The following SHISA9 variants were observed in gnomAD, a reference collection of about 807,000 sequenced individuals.
SHISA9 encodes the protein shisa family member 9.
In SHISA9, 13 loss-of-function variants were observed where a neutral mutation model predicts 38.0. The ratio of observed to expected loss-of-function variants is 0.34; its 90% CI spans 0.22 to 0.54. The LOEUF (loss-of-function observed/expected upper bound fraction) is 0.54, where lower values mean the gene tolerates loss of function less well. Ranked by LOEUF, SHISA9 falls within the 20% of genes least tolerant of loss-of-function variation. SHISA9 has a pLI of 0.91. For missense variants in SHISA9, 538 were observed against 575.8 expected, an observed-to-expected ratio of 0.93 and a Z score of 0.67; for synonymous variants, 275 against 242.0, an observed-to-expected ratio of 1.14 and a Z score of -1.27.
chr16:13,525,517 G>A, the SHISA9 span, among the ~76,000 whole-genome samples: 4 of 151,974 alleles, frequency 2.6e-5, no homozygotes, highest in Non-Finnish European at 5.9e-5. Flanking sequence ...CTGGATTGTT[G>A]GTGGCTCAAA....
chr16:13,452,173 A>T, the SHISA9 span, among the ~76,000 whole-genome samples: 1 of 152,220 alleles, frequency 6.6e-6, no homozygotes, highest in African/African-American at 2.4e-5. Context: ...TCCCGAAGAC[A>T]AGTAAAGCCC....
intron 2 of SHISA9, among the ~76,000 whole-genome samples, chr16:12,962,440 G>T (rs1019348588): frequency 1.3e-5 from 2 of 152,184 alleles, no homozygotes; most frequent in Admixed American, 1.3e-4. Context: ...TTCATATGTG[G>T]AACTCTAACC....
At chr16:13,165,107 G>A (rs1015825230) in intron 2 of SHISA9, among the ~76,000 whole-genome samples, 1 of 152,024 alleles carries the variant, frequency 6.6e-6, no homozygotes, top group African/African-American at 2.4e-5. Flanking sequence ...AGCCTTCTTG[G>A]CTTTGTATTT....
chr16:13,029,060 A>T (rs1034178319), intron 2 of SHISA9, among the ~76,000 whole-genome samples: 5 of 152,034 alleles, frequency 3.3e-5, no homozygotes, highest in Non-Finnish European at 5.9e-5. Context: ...TCCTTTTAAA[A>T]TTTTTTTTAT....
chr16:12,968,189 C>CAAAAAAAAAAAAAAA (rs200194973), intron 2 of SHISA9, among the ~76,000 whole-genome samples: 1 of 82,042 alleles, frequency 1.2e-5, no homozygotes, highest in African/African-American at 4.9e-5. Flanking sequence ...GGCTCCATCT[C>CAAAAAAAAAAAAAAA]AAAAAAAAAA....
chr16:13,278,857 A>G, the SHISA9 span, among the ~76,000 whole-genome samples: 2 of 151,868 alleles, frequency 1.3e-5, no homozygotes, highest in Admixed American at 6.6e-5. Context: ...TCATTTTTTC[A>G]AAGAACAAGA....
intron 2 of SHISA9, among the ~76,000 whole-genome samples, chr16:13,198,268 A>C: frequency 6.9e-6 from 1 of 145,684 alleles, no homozygotes; most frequent in African/African-American, 2.5e-5. Flanking sequence ...GTGTATATGC[A>C]TACATATATA....
chr16:12,913,892 C>T (rs1460197720), intron 1 of SHISA9, among the ~76,000 whole-genome samples: 2 of 152,022 alleles, frequency 1.3e-5, no homozygotes, highest in Non-Finnish European at 2.9e-5. Flanking sequence ...TAACACATCT[C>T]GTGTGTCCAT....
At chr16:12,969,484 C>T (rs968854492) in intron 2 of SHISA9, among the ~76,000 whole-genome samples, 4 of 151,984 alleles carry the variant, frequency 2.6e-5, no homozygotes, top group African/African-American at 7.3e-5. Context: ...TGGCTCACAC[C>T]TGTAATCCCA....
At chr16:12,956,323 A>C (rs895519613) in intron 2 of SHISA9, among the ~76,000 whole-genome samples, 2 of 152,236 alleles carry the variant, frequency 1.3e-5, no homozygotes, top group East Asian at 1.9e-4. Context: ...CAGTATAGAG[A>C]TATCTCAAAG....
At chr16:13,043,257 C>T (rs116930707) in intron 2 of SHISA9, among the ~76,000 whole-genome samples, 2,404 of 152,168 alleles carry the variant, frequency 0.016, 28 homozygotes, top group Middle Eastern at 0.027. Context: ...AGGCCTGTCC[C>T]GGAAGTGGAT....
At chr16:12,915,717 A>T (rs1000197479) in intron 1 of SHISA9, among the ~76,000 whole-genome samples, 3 of 152,210 alleles carry the variant, frequency 2.0e-5, no homozygotes, top group African/African-American at 7.2e-5. Context: ...GCTGCAAGGG[A>T]TGGAAGGGTT....
chr16:13,554,176 C>G, the SHISA9 span, among the ~76,000 whole-genome samples: 1 of 151,930 alleles, frequency 6.6e-6, no homozygotes, highest in African/African-American at 2.4e-5. Context: ...GTCTCTTCCT[C>G]ACCTCCAGGG....
intron 2 of SHISA9, among the ~76,000 whole-genome samples, chr16:13,162,477 C>T (rs933967829): frequency 4.6e-5 from 7 of 152,150 alleles, no homozygotes; most frequent in South Asian, 2.1e-4. Flanking sequence ...TCAATCACTG[C>T]GCTGAGCATA....
chr16:13,176,214 G>A (rs998373637), intron 2 of SHISA9, among the ~76,000 whole-genome samples: 2 of 151,890 alleles, frequency 1.3e-5, no homozygotes, highest in Non-Finnish European at 2.9e-5. Context: ...TCTAGATTTG[G>A]AGGGGGCTTA....
chr16:13,185,200 T>A (rs1283059606), intron 2 of SHISA9, among the ~76,000 whole-genome samples: 2 of 152,202 alleles, frequency 1.3e-5, no homozygotes, highest in Non-Finnish European at 2.9e-5. Flanking sequence ...ATTTTTTATA[T>A]CTTTGTTTGC....
the SHISA9 span, among the ~76,000 whole-genome samples, chr16:13,523,765 C>G: frequency 6.6e-6 from 1 of 152,180 alleles, no homozygotes. Context: ...CCCACCAGGA[C>G]CCACCTCCAA....
At chr16:13,263,222 G>A in the SHISA9 span, among the ~76,000 whole-genome samples, 14 of 152,140 alleles carry the variant, frequency 9.2e-5, no homozygotes, top group African/African-American at 2.9e-4. Context: ...TGATGAGTCC[G>A]TGGTCATGGG....
In SHISA9 at chr16:13,075,551, G is replaced by T. The variant is rs149987874; in HGVS notation, c.692-127843G>T. On this transcript the variant is annotated intron_variant, in intron 2 of 4. Coordinates refer to ENST00000558583, the MANE Select transcript of SHISA9 (RefSeq NM_001145204.3). ...AGCTAGGGTCGTGGGCTCCCCAGGG[G>T]ATCCTTCTCGTTCTGAAAACTCAAC... 2.0e-5 allele frequency among the ~76,000 whole-genome samples: 3 copies of T among 152,258 alleles called. No homozygotes were observed. In the South Asian group the frequency reaches 6.2e-4, roughly 32 times the overall value.
Sources: allele counts gnomAD v4.1 joint callset (sites outside exome capture counted in the v4.1 genomes callset), GRCh38; gene constraint gnomAD v4.1.1; transcripts MANE v1.5; gene names NCBI Gene and HGNC (gene_info 2026-07-23, HGNC 2026-07-21).